Variants in MAMLD1 observed in about 807,000 individuals in gnomAD.
MAMLD1 encodes mastermind like domain containing 1, also known as mastermind-like domain-containing protein 1.
A neutral mutation model predicts 45.0 loss-of-function variants in MAMLD1; 14 were observed. That is an observed-to-expected ratio of 0.31 (90% CI 0.21 to 0.49). The LOEUF (loss-of-function observed/expected upper bound fraction) is 0.49. MAMLD1 is among the 20% of genes least tolerant of loss of function. The pLI, the probability that MAMLD1 is intolerant of heterozygous loss-of-function variation, is 0.99. For synonymous variants in MAMLD1, 254 were observed against 247.8 expected (o/e 1.02, Z -0.24); for missense variants, 543 against 603.6 (o/e 0.90, Z 1.05).
At position 150,479,952 on chromosome X, in the gene MAMLD1, G is replaced by A. The variant is rs916402594; in HGVS notation, c.2040+6150G>A. On this transcript the variant is annotated intron_variant, in intron 5 of 7. Transcript: ENST00000370401. The stretch of plus-strand genomic sequence containing the variant: ...AGGAGTGGATGGTGCAGAGCGCCAA[G>A]GGGAATCAAAGACGTGACCCTTCCA... Among the ~76,000 whole-genome samples, 20 of 111,437 alleles carry A rather than the reference G, an allele frequency of 1.8e-4. No individual in the cohort carries two copies. The Admixed American group carries it at 1.9e-3, about 11-fold the overall frequency.
intron 5 of MAMLD1, among the ~76,000 whole-genome samples, chrX:150,494,864 AC>A (rs1274460083): frequency 6.6e-4 from 71 of 107,471 alleles, no homozygotes; most frequent in African/African-American, 2.2e-3. Context: ...AGCCTGGGTG[AC>A]CAGAGTGATA....
Position 150,492,635 on chromosome X carries a change from A to T in MAMLD1, c.2041-10639A>T, listed in dbSNP as rs782508524. On this transcript the variant is annotated intron_variant, in intron 5 of 7. Transcript: ENST00000370401. ...TGGGGCAAGGCCCTTTCCTGCCATG[A>T]GTTTCAGTGTCCCCACCTACCAAGT... 5.4e-5 allele frequency among the ~76,000 whole-genome samples: 6 copies of T among 111,690 alleles called. No homozygotes were observed. The South Asian group carries it at 1.5e-3, about 28-fold the overall frequency.
intron 1 of MAMLD1, among the ~76,000 whole-genome samples, chrX:150,375,965 A>G (rs2032297344): frequency 8.9e-6 from 1 of 111,757 alleles, no homozygotes; most frequent in Admixed American, 9.5e-5. Context: ...TGAGTCTGGG[A>G]GGAGTCCCTG....
At chrX:150,425,456 A>G (rs1346801903) in intron 1 of MAMLD1, among the ~76,000 whole-genome samples, 6 of 112,775 alleles carry the variant, frequency 5.3e-5, no homozygotes, top group African/African-American at 1.9e-4. Flanking sequence ...CTATAATTAT[A>G]TGCCTCACAG....
intron 1 of MAMLD1, among the ~76,000 whole-genome samples, chrX:150,420,566 T>G (rs11798199): frequency 0.067 from 7,442 of 111,872 alleles, 264 homozygotes; most frequent in African/African-American, 0.12. Context: ...ACATCTTTGT[T>G]GTTTTATCTA....
intron 1 of MAMLD1, among the ~76,000 whole-genome samples, chrX:150,436,603 G>A (rs2035130009): frequency 2.7e-5 from 3 of 111,770 alleles, no homozygotes; most frequent in South Asian, 3.8e-4. Flanking sequence ...TGGCCATTTC[G>A]TCTCTCATTT....
chrX:150,401,567 C>A lies in MAMLD1; in HGVS notation c.-64+38037C>A, dbSNP rs1471327018. 6.5e-5 allele frequency among the ~76,000 whole-genome samples: 7 copies of A among 108,476 alleles called. No homozygotes were observed. The East Asian group carries it at 8.6e-4, about 13-fold the overall frequency. 94.2% of individuals were successfully genotyped at this position (108,476 alleles called of 115,157 possible). ...ACTTTCTTCACAGAATTGGAAAAAACTACTTTAAAGTTCATATGGAACCAA... is the reference window on the plus strand; with the variant it reads ...ACTTTCTTCACAGAATTGGAAAAAAATACTTTAAAGTTCATATGGAACCAA... On this transcript the variant is annotated intron_variant, in intron 1 of 7. Coordinates refer to ENST00000370401, the MANE Select transcript of MAMLD1 (RefSeq NM_005491.5).
At chrX:150,391,428 A>G (rs1279381957) in intron 1 of MAMLD1, among the ~76,000 whole-genome samples, 2 of 111,029 alleles carry the variant, frequency 1.8e-5, no homozygotes, top group Non-Finnish European at 3.8e-5. Flanking sequence ...GGTTGGGTGA[A>G]TTATACTGAT....
intron 1 of MAMLD1, among the ~76,000 whole-genome samples, chrX:150,386,732 G>A (rs1443087777): frequency 9.0e-6 from 1 of 110,953 alleles, no homozygotes; most frequent in Non-Finnish European, 1.9e-5. Context: ...GCCCGAAATT[G>A]CAAAGTTAGA....
upstream of MAMLD1, chrX:150,361,618 G>C (rs1214216175): frequency 8.9e-6 from 1 of 112,651 alleles, no homozygotes; most frequent in Admixed American, 9.3e-5. Flanking sequence ...GACAGGAGCT[G>C]AGCGCTGCTG....
At chrX:150,420,426 T>C (rs2124551569) in intron 1 of MAMLD1, among the ~76,000 whole-genome samples, 1 of 110,043 alleles carries the variant, frequency 9.1e-6, no homozygotes, top group Non-Finnish European at 1.9e-5. Flanking sequence ...TCTAAAGCCT[T>C]CTTCTCTCAG....
At chrX:150,491,639 T>TGGGGCA (rs2037190758) in intron 5 of MAMLD1, among the ~76,000 whole-genome samples, 2 of 109,798 alleles carry the variant, frequency 1.8e-5, no homozygotes, top group African/African-American at 3.3e-5. Flanking sequence ...GGCTGGGAGG[T>TGGGGCA]GGGGCAGGGG....
intron 1 of MAMLD1, among the ~76,000 whole-genome samples, chrX:150,381,693 C>T (rs148232923): frequency 0.019 from 2,149 of 111,961 alleles, 47 homozygotes; most frequent in African/African-American, 0.066. Flanking sequence ...TGGTGTAGTG[C>T]AATACAGGAG....
chrX:150,415,571 G>C (rs1239751423), intron 1 of MAMLD1, among the ~76,000 whole-genome samples: 1 of 112,491 alleles, frequency 8.9e-6, no homozygotes, highest in Non-Finnish European at 1.9e-5. Flanking sequence ...AGCTTGATTA[G>C]ATGAATAAAC....
At chrX:150,398,261 AAGAAGAAGAAGAAG>A (rs2033524942) in intron 1 of MAMLD1, among the ~76,000 whole-genome samples, 1 of 27,375 alleles carries the variant, frequency 3.7e-5, no homozygotes, top group Non-Finnish European at 6.6e-5. Context: ...GGAGAAGAAG[AAGAAGAAGAAGAAG>A]AAGAAGAAGA....
chrX:150,452,538 C>T (rs2035697700), intron 2 of MAMLD1, among the ~76,000 whole-genome samples: 1 of 110,894 alleles, frequency 9.0e-6, no homozygotes, highest in Non-Finnish European at 1.9e-5. Flanking sequence ...CAACAATGTA[C>T]AAGACTATAA....
chrX:150,509,816 G>T (rs2037847073), intron 6 of MAMLD1, 146 bp from the exon 7 acceptor site: 2 of 511,737 alleles, frequency 3.9e-6, no homozygotes, highest in Non-Finnish European at 7.0e-6. Context: ...TCGAGAGGGT[G>T]GGGCATGCAT....
intron 5 of MAMLD1, among the ~76,000 whole-genome samples, chrX:150,475,965 G>A (rs1296625454): frequency 2.7e-5 from 3 of 112,165 alleles, no homozygotes; most frequent in Non-Finnish European, 5.6e-5. Context: ...ACCCTCCAGT[G>A]TAATCTGAAG....
chrX:150,366,148 AT>A (rs1183726791), intron 1 of MAMLD1, among the ~76,000 whole-genome samples: 1 of 110,968 alleles, frequency 9.0e-6, no homozygotes. Context: ...GCGAAGTCAG[AT>A]TCCACCCGCT....
Sources: allele counts gnomAD v4.1 joint callset (sites outside exome capture counted in the v4.1 genomes callset), GRCh38; gene constraint gnomAD v4.1.1; transcripts MANE v1.5; gene names NCBI Gene and HGNC (gene_info 2026-07-23, HGNC 2026-07-21).